TLR6: variants seen among roughly 807,000 people sequenced by gnomAD.
The protein encoded by TLR6 is toll like receptor 6.
Under a neutral mutation model 16.1 loss-of-function variants are expected in TLR6, and 9 were observed. That is an observed-to-expected ratio of 0.56 (90% CI 0.34 to 0.98). The LOEUF is 0.98. TLR6 is among the 50% of genes least tolerant of loss of function. The pLI is 0.02. For missense variants in TLR6, 786 were observed against 921.0 expected, an observed-to-expected ratio of 0.85 and a Z score of 1.90; for synonymous variants, 340 against 338.6, an observed-to-expected ratio of 1.00 and a Z score of -0.04.
chr4:38,859,930 T>A (rs1349838876), upstream of TLR6, among the ~76,000 whole-genome samples: 1 of 152,088 alleles, frequency 6.6e-6, no homozygotes. Context: ...TGTATATATG[T>A]CTTAATTTTT....
chr4:38,865,877 G>A, the TLR6 span, among the ~76,000 whole-genome samples: 1 of 152,094 alleles, frequency 6.6e-6, no homozygotes, highest in African/African-American at 2.4e-5. Context: ...GGTGGCTCAC[G>A]CCTGTAATCC....
chr4:38,862,319 AC>A, the TLR6 span, among the ~76,000 whole-genome samples: 1 of 152,062 alleles, frequency 6.6e-6, no homozygotes, highest in African/African-American at 2.4e-5. Context: ...CACTCCCATC[AC>A]CCTGGCTGGA....
chr4:38,825,519 G>A (rs1300871889), exon 2 of TLR6: 4 of 152,200 alleles, frequency 2.6e-5, no homozygotes, highest in East Asian at 1.9e-4. Flanking sequence ...GCATGATCCT[G>A]CCAGCTGCTA....
exon 2 of TLR6, chr4:38,826,234 C>T (rs5743826): frequency 0.034 from 5,204 of 152,334 alleles, 147 homozygotes; most frequent in Middle Eastern, 0.11. Flanking sequence ...TCTTTAATCA[C>T]GCTTTTGACT....
chr4:38,856,146 C>G (rs73236638), intron 1 of TLR6, among the ~76,000 whole-genome samples: 32,455 of 151,526 alleles, frequency 0.21, 4,193 homozygotes, highest in Non-Finnish European at 0.28. Flanking sequence ...CAGATTCAAG[C>G]TTGTGAAGGG....
At chr4:38,827,490 G>T (rs200330648) in exon 2 of TLR6, 2 of 1,614,124 alleles carry the variant, frequency 1.2e-6, no homozygotes, top group East Asian at 4.5e-5. Context: ...TCTAGGTAAG[G>T]TACCAATTCA....
chr4:38,839,289 TAA>T (rs1348087010), intron 1 of TLR6, among the ~76,000 whole-genome samples: 1 of 148,140 alleles, frequency 6.8e-6, no homozygotes, highest in Non-Finnish European at 1.5e-5. Flanking sequence ...CTCTAAAAAA[TAA>T]AGTCTATTGA....
the TLR6 span, among the ~76,000 whole-genome samples, chr4:38,867,204 T>C: frequency 6.6e-6 from 1 of 152,336 alleles, no homozygotes; most frequent in Admixed American, 6.5e-5. Context: ...TGTCTCCGGC[T>C]TCCCCCCGCA....
chr4:38,868,086 CG>C, the TLR6 span: 1 of 419,576 alleles, frequency 2.4e-6, no homozygotes, highest in Non-Finnish European at 4.9e-6. Flanking sequence ...TGTGTCGCTC[CG>C]GGTCCACGCT....
intron 1 of TLR6, among the ~76,000 whole-genome samples, chr4:38,855,793 T>TG (rs1475724716): frequency 6.6e-6 from 1 of 152,112 alleles, no homozygotes; most frequent in East Asian, 1.9e-4. Flanking sequence ...TTCTATTTAT[T>TG]GGGAAAAAAG....
exon 2 of TLR6, chr4:38,829,111 C>T (rs1460516590): frequency 1.2e-6 from 2 of 1,614,082 alleles, no homozygotes; most frequent in Admixed American, 1.7e-5. Flanking sequence ...GCCTGAAACT[C>T]ACAATAGGAT....
chr4:38,863,030 A>C, the TLR6 span, among the ~76,000 whole-genome samples: 4 of 148,952 alleles, frequency 2.7e-5, no homozygotes, highest in African/African-American at 1.0e-4. Flanking sequence ...TTTACTGACT[A>C]TCTCTAATTG....
At chr4:38,831,822 C>T (rs905815979) in intron 1 of TLR6, among the ~76,000 whole-genome samples, 8 of 152,196 alleles carry the variant, frequency 5.3e-5, no homozygotes, top group African/African-American at 1.7e-4. Context: ...TTACATTACA[C>T]TTATGAGAAT....
chr4:38,860,918 G>A (rs1416809489), upstream of TLR6, among the ~76,000 whole-genome samples: 1 of 152,152 alleles, frequency 6.6e-6, no homozygotes, highest in Non-Finnish European at 1.5e-5. Context: ...TGGTCTGGGA[G>A]GGGCCGGGCA....
chr4:38,852,686 G>A (rs202108748), intron 1 of TLR6, among the ~76,000 whole-genome samples: 23,088 of 145,114 alleles, frequency 0.16, 2,234 homozygotes, highest in Middle Eastern at 0.38. Context: ...ATGAGATACC[G>A]TCTCACACCA....
At chr4:38,834,082 A>C (rs1711771516) in intron 1 of TLR6, among the ~76,000 whole-genome samples, 1 of 142,980 alleles carries the variant, frequency 7.0e-6, no homozygotes, top group Non-Finnish European at 1.6e-5. Context: ...AAAAAAAATT[A>C]CAAAAATTAG....
At chr4:38,828,477 T>C (rs1372011560) in exon 2 of TLR6, 1 of 1,614,054 alleles carries the variant, frequency 6.2e-7, no homozygotes, top group African/African-American at 1.3e-5. Context: ...AACATCATAA[T>C]GTTCATCTCA....
chr4:38,843,477 C>A (rs1045498667), intron 1 of TLR6, among the ~76,000 whole-genome samples: 2 of 152,264 alleles, frequency 1.3e-5, no homozygotes, highest in Non-Finnish European at 1.5e-5. Context: ...GAGATGAATC[C>A]TTTATTTACA....
At chr4:38,841,684 T>C (rs1712270257) in intron 1 of TLR6, among the ~76,000 whole-genome samples, 1 of 152,242 alleles carries the variant, frequency 6.6e-6, no homozygotes, top group African/African-American at 2.4e-5. Context: ...ACTATATATA[T>C]GCGGTGGTGA....
Sources: allele counts gnomAD v4.1 joint callset (sites outside exome capture counted in the v4.1 genomes callset), GRCh38; gene constraint gnomAD v4.1.1; transcripts MANE v1.5; gene names NCBI Gene and HGNC (gene_info 2026-07-23, HGNC 2026-07-21).